MGME1: variants seen among roughly 807,000 people sequenced by gnomAD.
MGME1 encodes the protein chromosome 20 open reading frame 72.
Under a neutral mutation model 33.0 loss-of-function variants are expected in MGME1, and 22 were observed. That is an observed-to-expected ratio of 0.67 (90% CI 0.48 to 0.95). The LOEUF (loss-of-function observed/expected upper bound fraction) is 0.95, where lower values mean the gene tolerates loss of function less well. MGME1 is among the 40% of genes least tolerant of loss of function. The pLI is 0.00. For missense variants in MGME1, 383 were observed against 397.8 expected, an observed-to-expected ratio of 0.96 and a Z score of 0.32; for synonymous variants, 133 against 144.0, an observed-to-expected ratio of 0.92 and a Z score of 0.55.
chr20:17,986,301 T>G (rs545282108), intron 3 of MGME1, among the ~76,000 whole-genome samples: 1 of 152,188 alleles, frequency 6.6e-6, no homozygotes, highest in East Asian at 1.9e-4. Flanking sequence ...GCTCCTGACC[T>G]CAGGTGATCT....
Position 17,969,781 on chromosome 20 carries a change from G to A in MGME1, c.-59-20G>A, listed in dbSNP as rs1042175257. ...ATTCTGATGCAGCTTTCGCTTTGAT[G>A]GTTGTTTTCTCTCCAATAGGAATAC... On this transcript the variant is annotated intron_variant, in intron 1 of 4. Coordinates refer to ENST00000377710, the MANE Select transcript of MGME1 (RefSeq NM_052865.4). 16 of 1,407,434 alleles carry A rather than the reference G, an allele frequency of 1.1e-5. No individual in the cohort carries two copies. The highest frequency in any genetic ancestry group is 1.5e-5 in the Non-Finnish European group (16 of 1,042,898). 87.2% of individuals were successfully genotyped at this position (1,407,434 alleles called of 1,614,324 possible).
chr20:17,988,919 G>A (rs62209764), intron 4 of MGME1, among the ~76,000 whole-genome samples: 16,937 of 151,164 alleles, frequency 0.11, 1,038 homozygotes, highest in Middle Eastern at 0.18. Flanking sequence ...GTGAAACCCC[G>A]TATCTACAAA....
rs1365772351 is a variant in MGME1, at chr20:17,970,065, C to T, written c.206C>T (p.Pro69Leu). ...VLSSRGVAQT[P>L]GSVEEDALLC... ...TCATCCAGAGGCGTCGCCCAGACCC[C>T]GGGATCGGTGGAGGAAGATGCTTTG... is the stretch of plus-strand genomic sequence containing the variant. Residue 69 changes from proline to leucine, a missense_variant, in exon 2 of 5, where the codon CCG becomes CTG. Pro to Leu is a moderately conservative substitution (Grantham distance 98). Coordinates refer to ENST00000377710, the MANE Select transcript of MGME1 (RefSeq NM_052865.4). 4 of 1,614,088 alleles carry T rather than the reference C, an allele frequency of 2.5e-6. No homozygotes were observed. Among genetic ancestry groups the T allele is most frequent in the Admixed American group, 1.7e-5 (1 of 59,996 alleles).
chr20:17,990,156 GGAACATATA>G lies in MGME1; in HGVS notation c.*48_*56del. The G allele has an allele frequency of 6.4e-7, 1 of 1,559,148 alleles. No individual in the cohort carries two copies. The highest frequency in any genetic ancestry group is 8.8e-7 in the Non-Finnish European group (1 of 1,130,478). On this transcript the variant is annotated 3_prime_UTR_variant, in exon 5 of 5. Transcript: ENST00000377710. Reference sequence around the variant, plus strand: ...ACATTCAGCACCTTCTCACAGTTTGGGAACATATATTGCTGTTTACTCCAGTGTAAAAAT... The same window carrying G: ...ACATTCAGCACCTTCTCACAGTTTGGTTGCTGTTTACTCCAGTGTAAAAAT...
chr20:17,975,598 G>T, intron 2 of MGME1, 86 bp from the exon 3 acceptor site: 21 of 871,758 alleles, frequency 2.4e-5, no homozygotes, highest in Non-Finnish European at 3.3e-5. Context: ...TAATTGTATT[G>T]TTTCAGGGCG....
In MGME1 at chr20:17,988,240, C is replaced by G; in HGVS notation, c.806C>G (p.Pro269Arg). The G allele has an allele frequency of 6.2e-7, 1 of 1,613,992 alleles. No homozygotes were observed. Among genetic ancestry groups the G allele is most frequent in the African/African-American group, 1.3e-5 (1 of 75,046 alleles). The change falls in exon 4 of 5, where the codon CCA (proline) becomes CGA (arginine). Residue 269 changes from proline (P) to arginine (R), a missense_variant. Coordinates refer to ENST00000377710, the MANE Select transcript of MGME1 (RefSeq NM_052865.4). ...KPFIQSTFDN[P>R]LQVVAYMGAM... ...TTTATTCAAAGTACATTTGACAACC[C>G]ACTGCAAGTTGTGGCATACATGGGT...
chr20:17,984,899 T>C (rs2036116166), intron 3 of MGME1, among the ~76,000 whole-genome samples: 1 of 151,654 alleles, frequency 6.6e-6, no homozygotes, highest in Admixed American at 6.6e-5. Context: ...TACCCGGGTG[T>C]GGTGGCACAT....
At chr20:17,977,516 A>T (rs2035899032) in intron 3 of MGME1, among the ~76,000 whole-genome samples, 1 of 152,178 alleles carries the variant, frequency 6.6e-6, no homozygotes, top group East Asian at 1.9e-4. Context: ...TGAAAGTAAG[A>T]GGAGGAACAC....
At chr20:17,981,818 T>C (rs1318401236) in intron 3 of MGME1, among the ~76,000 whole-genome samples, 1 of 151,822 alleles carries the variant, frequency 6.6e-6, no homozygotes, top group African/African-American at 2.4e-5. Flanking sequence ...CCTGGCTAAT[T>C]TTTTTTGTAT....
At chr20:17,976,668 T>C (rs1251376636) in intron 3 of MGME1, among the ~76,000 whole-genome samples, 1 of 152,072 alleles carries the variant, frequency 6.6e-6, no homozygotes, top group Non-Finnish European at 1.5e-5. Context: ...TTTTGTTTCG[T>C]TTTGTTTTTT....
chr20:17,970,405 A>G (rs766405998), intron 2 of MGME1, 35 bp downstream of exon 2: 3 of 1,561,172 alleles, frequency 1.9e-6, no homozygotes, highest in South Asian at 1.2e-5. Flanking sequence ...TATGTTTGCT[A>G]TGTTTTCTAT....
chr20:17,983,267 T>TTTGTGTGTGTGTGTG (rs79417227), intron 3 of MGME1, among the ~76,000 whole-genome samples: 10,685 of 142,536 alleles, frequency 0.075, 559 homozygotes, highest in South Asian at 0.13. Context: ...TAGTGTTCTA[T>TTTGTGTGTGTGTGTG]TGTGTGTGTG....
intron 2 of MGME1, among the ~76,000 whole-genome samples, chr20:17,972,347 T>C (rs908741626): frequency 6.6e-6 from 1 of 152,196 alleles, no homozygotes; most frequent in Non-Finnish European, 1.5e-5. Flanking sequence ...AGTTCATCTT[T>C]TGAAGACTGG....
intron 2 of MGME1, among the ~76,000 whole-genome samples, chr20:17,971,346 G>C (rs1434950681): frequency 6.6e-6 from 1 of 152,192 alleles, no homozygotes; most frequent in Non-Finnish European, 1.5e-5. Flanking sequence ...GATTATATAT[G>C]CAAGAGCTAA....
chr20:17,969,906 C>G lies in MGME1; in HGVS notation c.47C>G (p.Ser16Ter). 6.2e-7 allele frequency: 1 copy of G among 1,613,692 alleles called. No homozygotes were observed. Among genetic ancestry groups the G allele is most frequent in the African/African-American group, 1.3e-5 (1 of 74,970 alleles). Residue 16 changes from serine to a stop codon, truncating the protein, a stop_gained, in exon 2 of 5, where the codon TCA becomes TGA. Coordinates refer to ENST00000377710, the MANE Select transcript of MGME1 (RefSeq NM_052865.4). LOFTEE classifies it high-confidence loss of function. ...ACCATTTGCAGGCAGCTCAGGAGTTCAAAGTTTTCTGTGGAATCAGCTGCC... is the reference window on the plus strand; with the variant it reads ...ACCATTTGCAGGCAGCTCAGGAGTTGAAAGTTTTCTGTGGAATCAGCTGCC... ...FQTICRQLRS[S>*]KFSVESAALV...
In MGME1 at chr20:17,970,031, T is replaced by G; in HGVS notation, c.172T>G (p.Ser58Ala). The stretch of plus-strand genomic sequence containing the variant: ...AGAAAAATACTCTAATTTAGTTCAG[T>G]CTGTCTTGTCATCCAGAGGCGTCGC... ...DQEKYSNLVQ[S>A]VLSSRGVAQT... is the part of the protein sequence containing the mutation. The change falls in exon 2 of 5, where the codon TCT becomes GCT. Residue 58 changes from serine to alanine, a missense_variant. Ser to Ala is a moderately conservative substitution (Grantham distance 99). Transcript: ENST00000377710. 1 of 1,614,172 alleles carries G rather than the reference T, an allele frequency of 6.2e-7. No homozygotes were observed. Among genetic ancestry groups the G allele is most frequent in the Non-Finnish European group, 8.5e-7 (1 of 1,180,028 alleles).
intron 3 of MGME1, among the ~76,000 whole-genome samples, chr20:17,987,173 A>C (rs77795165): frequency 0.098 from 8,148 of 83,214 alleles, 759 homozygotes; most frequent in African/African-American, 0.25. Flanking sequence ...CTCCATCTAA[A>C]AAAAAAAAAA....
At position 17,970,030 on chromosome 20, in the gene MGME1, G is replaced by A; in HGVS notation, c.171G>A (p.Gln57=). 6.2e-7 allele frequency: 1 copy of A among 1,614,200 alleles called. No individual in the cohort carries two copies. Among genetic ancestry groups the A allele is most frequent in the Non-Finnish European group, 8.5e-7 (1 of 1,180,024 alleles). ...VDQEKYSNLV[Q]SVLSSRGVAQ... is the part of the protein sequence containing the mutation. ...AAGAAAAATACTCTAATTTAGTTCA[G>A]TCTGTCTTGTCATCCAGAGGCGTCG... is the stretch of plus-strand genomic sequence containing the variant. Residue 57 remains glutamine (Q), a synonymous_variant, in exon 2 of 5, where the codon CAG becomes CAA. Coordinates refer to ENST00000377710, the MANE Select transcript of MGME1 (RefSeq NM_052865.4).
intron 3 of MGME1, among the ~76,000 whole-genome samples, chr20:17,984,878 A>G (rs1253306528): frequency 3.9e-5 from 6 of 151,932 alleles, no homozygotes; most frequent in African/African-American, 1.5e-4. Flanking sequence ...TTTGCTACAA[A>G]TGCAAAAAAT....
Sources: allele counts gnomAD v4.1 joint callset (sites outside exome capture counted in the v4.1 genomes callset), GRCh38; gene constraint gnomAD v4.1.1; transcripts MANE v1.5; gene names NCBI Gene and HGNC (gene_info 2026-07-23, HGNC 2026-07-21).